The following RUNX2 variants were observed in gnomAD, a reference collection of about 807,000 sequenced individuals.
RUNX2 encodes the protein runt-related transcription factor 2.
In RUNX2, 10 loss-of-function variants were observed where a neutral mutation model predicts 51.7. The observed-to-expected ratio is 0.19, with a 90% CI of 0.12 to 0.33. The LOEUF is 0.33. Among genes scored for constraint, RUNX2 ranks in the 10% least tolerant of loss-of-function variants. The pLI, the probability that RUNX2 is intolerant of heterozygous loss-of-function variation, is 1.00. For synonymous variants in RUNX2, 276 were observed against 273.6 expected, an observed-to-expected ratio of 1.01 and a Z score of -0.09; for missense variants, 562 against 691.3, an observed-to-expected ratio of 0.81 and a Z score of 2.10.
chr6:45,417,140 A>G (rs1307834712), intron 2 of RUNX2, among the ~76,000 whole-genome samples: 1 of 152,254 alleles, frequency 6.6e-6, no homozygotes, highest in Non-Finnish European at 1.5e-5. Context: ...TGAAAACTGT[A>G]TATAGGTCTT....
intron 3 of RUNX2, among the ~76,000 whole-genome samples, chr6:45,431,489 A>G (rs1420955051): frequency 6.6e-6 from 1 of 152,202 alleles, no homozygotes; most frequent in African/African-American, 2.4e-5. Flanking sequence ...CCCTGAGAGA[A>G]AGCCTGCAGA....
chr6:45,429,233 C>A (rs1407375375), intron 3 of RUNX2, among the ~76,000 whole-genome samples: 1 of 152,154 alleles, frequency 6.6e-6, no homozygotes, highest in Non-Finnish European at 1.5e-5. Context: ...TATATTCATT[C>A]TCTTCTAAAC....
chr6:45,462,316 C>T (rs1364105855), intron 5 of RUNX2, among the ~76,000 whole-genome samples: 1 of 152,182 alleles, frequency 6.6e-6, no homozygotes, highest in Non-Finnish European at 1.5e-5. Flanking sequence ...CCACCGTTTA[C>T]TCAACATTAA....
intron 5 of RUNX2, among the ~76,000 whole-genome samples, chr6:45,470,686 T>C (rs1278812340): frequency 1.3e-5 from 2 of 152,224 alleles, no homozygotes; most frequent in African/African-American, 4.8e-5. Context: ...CTGGTCTCTA[T>C]GAGGTTTTCC....
At chr6:45,483,288 C>G (rs1343010259) in intron 5 of RUNX2, among the ~76,000 whole-genome samples, 1 of 152,100 alleles carries the variant, frequency 6.6e-6, no homozygotes, top group Non-Finnish European at 1.5e-5. Context: ...GACGCAGCAG[C>G]CTTTCCCAGC....
chr6:45,408,276 G>A (rs1197310510), intron 2 of RUNX2, among the ~76,000 whole-genome samples: 1 of 152,006 alleles, frequency 6.6e-6, no homozygotes, highest in African/African-American at 2.4e-5. Flanking sequence ...ATAACAGTAA[G>A]GGAAGGTGGC....
At chr6:45,368,649 C>T (rs561685736) in intron 2 of RUNX2, among the ~76,000 whole-genome samples, 1 of 152,094 alleles carries the variant, frequency 6.6e-6, no homozygotes, top group Non-Finnish European at 1.5e-5. Flanking sequence ...TCATCAAAAT[C>T]TGGACTGTGA....
intron 6 of RUNX2, among the ~76,000 whole-genome samples, chr6:45,500,163 A>C (rs573886233): frequency 6.6e-6 from 1 of 152,230 alleles, no homozygotes; most frequent in Non-Finnish European, 1.5e-5. Flanking sequence ...TAAATAATGG[A>C]TATGCTTCAC....
intron 6 of RUNX2, among the ~76,000 whole-genome samples, chr6:45,493,509 G>C (rs533634070): frequency 2.0e-5 from 3 of 151,996 alleles, no homozygotes; most frequent in Non-Finnish European, 4.4e-5. Flanking sequence ...TGGGAGAGTG[G>C]GGGGGCGGTG....
intron 7 of RUNX2, among the ~76,000 whole-genome samples, chr6:45,522,949 G>A (rs1801553233): frequency 6.6e-6 from 1 of 152,166 alleles, no homozygotes; most frequent in African/African-American, 2.4e-5. Flanking sequence ...TATGCAATAT[G>A]TTACGGAATA....
chr6:45,369,580 G>C (rs2150301216), intron 2 of RUNX2, among the ~76,000 whole-genome samples: 1 of 152,160 alleles, frequency 6.6e-6, no homozygotes, highest in East Asian at 1.9e-4. Context: ...ACCAAAGACA[G>C]TGTATCGTAT....
intron 2 of RUNX2, among the ~76,000 whole-genome samples, chr6:45,419,579 T>C (rs1798134741): frequency 6.6e-6 from 1 of 152,224 alleles, no homozygotes; most frequent in Admixed American, 6.5e-5. Flanking sequence ...TCTCTCTCTC[T>C]TTTTTGAGGC....
chr6:45,513,375 G>A (rs2150422269), intron 7 of RUNX2: 2 of 152,330 alleles, frequency 1.3e-5, no homozygotes, highest in East Asian at 3.9e-4. Flanking sequence ...TTGACTCCTG[G>A]CCAGGTTAAT....
intron 2 of RUNX2, among the ~76,000 whole-genome samples, chr6:45,354,118 T>G (rs897128215): frequency 4.6e-5 from 7 of 152,002 alleles, no homozygotes; most frequent in Admixed American, 4.6e-4. Flanking sequence ...GTAGGAAAAA[T>G]TAGGAAGTTA....
chr6:45,460,079 C>A (rs1035230879), intron 5 of RUNX2, among the ~76,000 whole-genome samples: 5 of 152,116 alleles, frequency 3.3e-5, no homozygotes, highest in African/African-American at 9.7e-5. Context: ...CAAGTAGGAG[C>A]TAGACCATGA....
intron 6 of RUNX2, among the ~76,000 whole-genome samples, chr6:45,498,808 T>G (rs1262777513): frequency 6.6e-6 from 1 of 152,204 alleles, no homozygotes; most frequent in Admixed American, 6.5e-5. Context: ...TTCTAGTGCT[T>G]GTCCCGAAAC....
rs753139240 is a variant in RUNX2 at position 45,422,755 on chromosome 6, C to A, written c.221C>A (p.Ala74Glu). 6.3e-5 allele frequency: 85 copies of A among 1,349,026 alleles called. 6 individuals carry two copies. The highest frequency in any genetic ancestry group is 6.0e-4 in the Middle Eastern group (3 of 4,974). The allele number at this position is 1,349,026 out of a possible 1,614,324, so 83.6% of individuals were successfully genotyped here. Reference protein sequence around the residue: ...QQQQQQQQEAAAAAAAAAAAA... With the variant: ...QQQQQQQQEAEAAAAAAAAAA... ...CAGCAGCAGCAGCAGCAGGAGGCGG[C>A]GGCGGCGGCTGCGGCGGCGGCGGCG... Residue 74 changes from alanine to glutamate, a missense_variant, in exon 3 of 9, where the codon GCG (alanine) becomes GAG (glutamate). Physicochemically the swap from Ala to Glu is moderately radical, Grantham distance 107. Coordinates refer to ENST00000647337, the MANE Select transcript of RUNX2 (RefSeq NM_001024630.4).
At chr6:45,462,264 G>A (rs1341151196) in intron 5 of RUNX2, among the ~76,000 whole-genome samples, 1 of 152,170 alleles carries the variant, frequency 6.6e-6, no homozygotes, top group Non-Finnish European at 1.5e-5. Flanking sequence ...AGTGCTGCTT[G>A]GATCCTTTCC....
chr6:45,415,991 A>G (rs1262420217), intron 2 of RUNX2, among the ~76,000 whole-genome samples: 1 of 152,230 alleles, frequency 6.6e-6, no homozygotes, highest in Non-Finnish European at 1.5e-5. Context: ...GTCAGAAAAG[A>G]TGAGTCATTG....
Sources: gnomAD v4.1 joint callset for allele counts (sites outside exome capture counted in the v4.1 genomes callset) on GRCh38, gnomAD v4.1.1 for gene constraint, MANE v1.5 for transcripts, NCBI Gene and HGNC (gene_info 2026-07-23, HGNC 2026-07-21) for gene names.